EEFSEC: variants seen among roughly 807,000 people sequenced by gnomAD.
The protein encoded by EEFSEC is selenocysteine-specific elongation factor.
Under a neutral mutation model 42.1 loss-of-function variants are expected in EEFSEC, and 43 were observed. That is an observed-to-expected ratio of 1.02 (90% CI 0.80 to 1.32). The LOEUF (loss-of-function observed/expected upper bound fraction) is 1.32. EEFSEC is among the 40% of genes most tolerant of loss of function. EEFSEC has a pLI of 0.00. For synonymous variants in EEFSEC, 354 were observed against 339.1 expected (o/e 1.04, Z -0.48); for missense variants, 745 against 803.6 (o/e 0.93, Z 0.88).
At chr3:128,220,485 A>G (rs1010065716) in intron 1 of EEFSEC, among the ~76,000 whole-genome samples, 1 of 152,178 alleles carries the variant, frequency 6.6e-6, no homozygotes, top group Non-Finnish European at 1.5e-5. Flanking sequence ...AGAGACAACA[A>G]CAACATACTC....
At chr3:128,306,900 C>G (rs1442117330) in intron 4 of EEFSEC, among the ~76,000 whole-genome samples, 3 of 152,262 alleles carry the variant, frequency 2.0e-5, no homozygotes, top group Non-Finnish European at 4.4e-5. Flanking sequence ...TTCTACTTAG[C>G]CCATACGGCA....
intron 1 of EEFSEC, among the ~76,000 whole-genome samples, chr3:128,172,929 C>T (rs1049902188): frequency 6.6e-6 from 1 of 152,168 alleles, no homozygotes. Context: ...CTTTTGTAAT[C>T]GCAACATAAA....
At chr3:128,174,175 C>T (rs114941697) in intron 1 of EEFSEC, among the ~76,000 whole-genome samples, 1,707 of 152,302 alleles carry the variant, frequency 0.011, 23 homozygotes, top group African/African-American at 0.039. Context: ...TACGAATGCC[C>T]TTTGGTGAAA....
intron 1 of EEFSEC, among the ~76,000 whole-genome samples, chr3:128,242,783 A>G (rs1040939041): frequency 6.6e-6 from 1 of 152,358 alleles, no homozygotes; most frequent in African/African-American, 2.4e-5. Flanking sequence ...TTTTAAGGAT[A>G]CTATAGTCAG....
At chr3:128,222,563 A>G (rs2065871632) in intron 1 of EEFSEC, among the ~76,000 whole-genome samples, 1 of 152,186 alleles carries the variant, frequency 6.6e-6, no homozygotes, top group Non-Finnish European at 1.5e-5. Flanking sequence ...TTCTCTGAAA[A>G]CATGTTTAAT....
At chr3:128,350,521 TG>T (rs901606691) in intron 5 of EEFSEC, among the ~76,000 whole-genome samples, 1 of 152,232 alleles carries the variant, frequency 6.6e-6, no homozygotes, top group Non-Finnish European at 1.5e-5. Context: ...CCCAGGGAGA[TG>T]ATCAAATGGC....
intron 1 of EEFSEC, among the ~76,000 whole-genome samples, chr3:128,214,893 C>T (rs1246195756): frequency 6.6e-6 from 1 of 152,132 alleles, no homozygotes; most frequent in Non-Finnish European, 1.5e-5. Context: ...TGCACTGATA[C>T]CAGTGAATGA....
chr3:128,253,994 G>T (rs1457813743), intron 2 of EEFSEC, among the ~76,000 whole-genome samples: 1 of 152,166 alleles, frequency 6.6e-6, no homozygotes, highest in African/African-American at 2.4e-5. Flanking sequence ...TTCTTCAAGG[G>T]TTTGCTCCCA....
downstream of EEFSEC, among the ~76,000 whole-genome samples, chr3:128,411,836 C>T (rs959501857): frequency 1.3e-4 from 20 of 152,362 alleles, no homozygotes; most frequent in African/African-American, 4.3e-4. Flanking sequence ...GGGCAGCTTC[C>T]GTGCTCCCAG....
At chr3:128,202,384 T>A (rs2065652616) in intron 1 of EEFSEC, among the ~76,000 whole-genome samples, 1 of 152,214 alleles carries the variant, frequency 6.6e-6, no homozygotes, top group African/African-American at 2.4e-5. Flanking sequence ...CTTGTACATA[T>A]GTTGTTAAAT....
intron 1 of EEFSEC, among the ~76,000 whole-genome samples, chr3:128,182,752 T>C (rs2065422165): frequency 6.6e-6 from 1 of 151,978 alleles, no homozygotes; most frequent in African/African-American, 2.4e-5. Context: ...ACCTGTGCAG[T>C]AGGGGTTAGG....
chr3:128,402,518 C>T (rs1358819963), intron 6 of EEFSEC, among the ~76,000 whole-genome samples: 17 of 152,212 alleles, frequency 1.1e-4, no homozygotes, highest in Admixed American at 1.1e-3. Flanking sequence ...GATAGCCTGG[C>T]GTTCCCGCTC....
chr3:128,412,904 C>T (rs765966076), downstream of EEFSEC, among the ~76,000 whole-genome samples: 13 of 152,190 alleles, frequency 8.5e-5, no homozygotes, highest in South Asian at 6.2e-4. Flanking sequence ...ACAATGTGGC[C>T]GGACCTCGGG....
chr3:128,339,075 T>C (rs1344543108), intron 4 of EEFSEC, among the ~76,000 whole-genome samples: 3 of 152,022 alleles, frequency 2.0e-5, no homozygotes, highest in Non-Finnish European at 4.4e-5. Flanking sequence ...AAGGTGATAT[T>C]CTCCAGTGAC....
At chr3:128,285,540 C>G (rs533025352) in intron 4 of EEFSEC, among the ~76,000 whole-genome samples, 2 of 152,288 alleles carry the variant, frequency 1.3e-5, no homozygotes, top group Admixed American at 1.3e-4. Flanking sequence ...GTCCCCTCCT[C>G]CTCACCACCT....
intron 6 of EEFSEC, among the ~76,000 whole-genome samples, chr3:128,368,689 C>T (rs1450516814): frequency 2.6e-5 from 4 of 152,198 alleles, no homozygotes; most frequent in South Asian, 4.1e-4. Flanking sequence ...TTGGAGCCCT[C>T]GGTTTTCATC....
intron 6 of EEFSEC, among the ~76,000 whole-genome samples, chr3:128,397,505 C>A (rs1447791124): frequency 6.6e-6 from 1 of 152,228 alleles, no homozygotes; most frequent in Non-Finnish European, 1.5e-5. Flanking sequence ...ATGAGGGTGG[C>A]AATGGTAGCA....
chr3:128,341,144 C>T (rs1178220899), intron 4 of EEFSEC, 89 bp from the exon 5 acceptor site: 1 of 1,481,792 alleles, frequency 6.7e-7, no homozygotes, highest in East Asian at 2.3e-5. Flanking sequence ...TGGTGGTAAG[C>T]ACAGGATTCT....
chr3:128,170,423 G>A (rs974736200), intron 1 of EEFSEC, among the ~76,000 whole-genome samples: 1 of 107,986 alleles, frequency 9.3e-6, no homozygotes, highest in East Asian at 2.2e-4. Flanking sequence ...TTAGCCATGC[G>A]TGTGTAATCC....
Sources: gnomAD v4.1 joint callset for allele counts (sites outside exome capture counted in the v4.1 genomes callset) on GRCh38, gnomAD v4.1.1 for gene constraint, MANE v1.5 for transcripts, NCBI Gene and HGNC (gene_info 2026-07-23, HGNC 2026-07-21) for gene names.